The following RIT2 variants were observed in gnomAD, a reference collection of about 807,000 sequenced individuals.
RIT2 encodes the protein GTP-binding protein Rit2.
Under a neutral mutation model 23.7 loss-of-function variants are expected in RIT2, and 24 were observed. That is an observed-to-expected ratio of 1.01 (90% CI 0.73 to 1.43). The LOEUF is 1.43. Ranked by LOEUF, RIT2 falls within the 40% of genes most tolerant of loss-of-function variation. The pLI is 0.00. For missense variants in RIT2, 236 were observed against 266.9 expected, an observed-to-expected ratio of 0.88 and a Z score of 0.81; for synonymous variants, 107 against 91.1, an observed-to-expected ratio of 1.17 and a Z score of -0.99.
chr18:42,777,409 T>C (rs1040941142), intron 4 of RIT2, among the ~76,000 whole-genome samples: 4 of 152,080 alleles, frequency 2.6e-5, no homozygotes, highest in Non-Finnish European at 4.4e-5. Context: ...TCTGGGACTT[T>C]CAATATTTTC....
chr18:43,025,116 G>A (rs1211621165), intron 2 of RIT2, among the ~76,000 whole-genome samples: 1 of 151,668 alleles, frequency 6.6e-6, no homozygotes, highest in Non-Finnish European at 1.5e-5. Context: ...GCTGAGGCAA[G>A]AGAATTTCTT....
chr18:42,990,009 A>ATGTGTGTGTGTG (rs5824463), intron 2 of RIT2, among the ~76,000 whole-genome samples: 25 of 148,898 alleles, frequency 1.7e-4, no homozygotes, highest in South Asian at 2.1e-4. Context: ...ATTTACAGAT[A>ATGTGTGTGTGTG]TGTGTGTGTG....
intron 3 of RIT2, among the ~76,000 whole-genome samples, chr18:42,938,024 G>A (rs1373223359): frequency 6.6e-6 from 1 of 152,116 alleles, no homozygotes; most frequent in African/African-American, 2.4e-5. Context: ...AGGCACAGTA[G>A]ATAAATAGAA....
chr18:42,995,534 A>G (rs1910960728), intron 2 of RIT2, among the ~76,000 whole-genome samples: 1 of 152,152 alleles, frequency 6.6e-6, no homozygotes, highest in Admixed American at 6.5e-5. Flanking sequence ...TTTATTAGTC[A>G]AATCAGTCAA....
At chr18:42,856,293 G>A (rs958259545) in intron 4 of RIT2, among the ~76,000 whole-genome samples, 2 of 152,194 alleles carry the variant, frequency 1.3e-5, no homozygotes, top group African/African-American at 4.8e-5. Context: ...GGAAGGAATT[G>A]CATACTCAGA....
chr18:42,828,003 CAAAAAAAAAA>C (rs200737336), intron 4 of RIT2, among the ~76,000 whole-genome samples: 1 of 51,744 alleles, frequency 1.9e-5, no homozygotes, highest in Non-Finnish European at 4.0e-5. Context: ...GACTCCGTCT[CAAAAAAAAAA>C]AAAAAAAAAA....
intron 1 of RIT2, among the ~76,000 whole-genome samples, chr18:43,039,443 G>T (rs1174789268): frequency 1.3e-5 from 2 of 151,332 alleles, no homozygotes; most frequent in African/African-American, 4.9e-5. Flanking sequence ...CCGCCTCCTG[G>T]GTTCAAGAAA....
At chr18:43,105,661 C>T (rs185070277) in intron 1 of RIT2, among the ~76,000 whole-genome samples, 1 of 152,270 alleles carries the variant, frequency 6.6e-6, no homozygotes, top group East Asian at 1.9e-4. Context: ...ACTCAAAGAG[C>T]TTAAGTGACC....
chr18:42,810,497 C>A (rs1411197550), intron 4 of RIT2, among the ~76,000 whole-genome samples: 1 of 151,434 alleles, frequency 6.6e-6, no homozygotes, highest in Non-Finnish European at 1.5e-5. Context: ...TCCTAATTAA[C>A]GTAATCAGCA....
intron 1 of RIT2, among the ~76,000 whole-genome samples, chr18:43,114,225 C>G (rs1156322686): frequency 6.6e-6 from 1 of 151,940 alleles, no homozygotes; most frequent in African/African-American, 2.4e-5. Context: ...TCCAGATGTA[C>G]CTATTTCTTT....
At chr18:42,744,100 G>C (rs8099365) in intron 4 of RIT2, among the ~76,000 whole-genome samples, 6,160 of 151,876 alleles carry the variant, frequency 0.041, 344 homozygotes, top group East Asian at 0.23. Context: ...AGCACCTTGT[G>C]ACCCCCACTC....
At chr18:42,779,164 C>T (rs927281495) in intron 4 of RIT2, among the ~76,000 whole-genome samples, 3 of 152,144 alleles carry the variant, frequency 2.0e-5, no homozygotes, top group Non-Finnish European at 1.5e-5. Flanking sequence ...TTCTTCCTGC[C>T]TAGAGACCCC....
At chr18:42,746,235 C>G (rs933618468) in intron 4 of RIT2, among the ~76,000 whole-genome samples, 3 of 152,066 alleles carry the variant, frequency 2.0e-5, no homozygotes, top group Non-Finnish European at 4.4e-5. Flanking sequence ...GACATATGCT[C>G]AACTCACATT....
At chr18:42,758,860 A>C (rs1390796132) in intron 4 of RIT2, among the ~76,000 whole-genome samples, 1 of 151,530 alleles carries the variant, frequency 6.6e-6, no homozygotes, top group Non-Finnish European at 1.5e-5. Context: ...CTGATGTTTG[A>C]CTCTTTACTC....
At chr18:42,870,413 G>C (rs771723015) in intron 4 of RIT2, among the ~76,000 whole-genome samples, 1 of 151,934 alleles carries the variant, frequency 6.6e-6, no homozygotes, top group Non-Finnish European at 1.5e-5. Context: ...GCTAATTTTT[G>C]TATTTTTAGT....
intron 4 of RIT2, among the ~76,000 whole-genome samples, chr18:42,834,106 G>T (rs1337770525): frequency 1.3e-5 from 2 of 152,152 alleles, no homozygotes; most frequent in African/African-American, 4.8e-5. Flanking sequence ...CCATCAGACT[G>T]AAGTCTTTCT....
chr18:42,775,194 T>C (rs1913639254), intron 4 of RIT2, among the ~76,000 whole-genome samples: 1 of 152,146 alleles, frequency 6.6e-6, no homozygotes, highest in South Asian at 2.1e-4. Flanking sequence ...CACTCAGGAA[T>C]CCATTGTATT....
At chr18:42,929,845 A>G (rs142209597) in intron 3 of RIT2, among the ~76,000 whole-genome samples, 1 of 152,228 alleles carries the variant, frequency 6.6e-6, no homozygotes, top group African/African-American at 2.4e-5. Context: ...ACTCCAAAGA[A>G]GACTCCATGG....
chr18:42,788,304 G>C (rs1465823639), intron 4 of RIT2, among the ~76,000 whole-genome samples: 1 of 152,128 alleles, frequency 6.6e-6, no homozygotes, highest in Non-Finnish European at 1.5e-5. Context: ...AGAGGGAAAA[G>C]TATTTTAATA....
Sources: gnomAD v4.1 joint callset for allele counts (sites outside exome capture counted in the v4.1 genomes callset) on GRCh38, gnomAD v4.1.1 for gene constraint, MANE v1.5 for transcripts, NCBI Gene and HGNC (gene_info 2026-07-23, HGNC 2026-07-21) for gene names.